The following BLTP3B variants were observed in gnomAD, a reference collection of about 807,000 sequenced individuals.
The protein encoded by BLTP3B is UHRF1 (ICBP90) binding protein 1-like.
chr12:100,118,467 C>T, the BLTP3B span, among the ~76,000 whole-genome samples: 43 of 152,018 alleles, frequency 2.8e-4, 1 homozygote, highest in South Asian at 7.5e-3. Flanking sequence ...ATGGGCACAA[C>T]CAAGAGGAGC....
chr12:100,052,482 T>C, the BLTP3B span, among the ~76,000 whole-genome samples: 1 of 152,066 alleles, frequency 6.6e-6, no homozygotes, highest in African/African-American at 2.4e-5. Context: ...CCACTCTAAT[T>C]AAAATTAAAA....
At chr12:100,140,711 AAAAAAAAAAAAAAAAAAAAT>A in the BLTP3B span, among the ~76,000 whole-genome samples, 2 of 107,782 alleles carry the variant, frequency 1.9e-5, 1 homozygote, top group South Asian at 5.3e-4. Context: ...TCTCAAAAAA[AAAAAAAAAAAAAAAAAAAAT>A]ATATATATAT....
the BLTP3B span, chr12:100,095,582 T>C: frequency 1.3e-6 from 2 of 1,491,258 alleles, no homozygotes; most frequent in Non-Finnish European, 1.8e-6. Context: ...AATCTGTCTC[T>C]TAAAGAAAAT....
chr12:100,079,454 A>C, the BLTP3B span, among the ~76,000 whole-genome samples: 2 of 152,294 alleles, frequency 1.3e-5, no homozygotes, highest in African/African-American at 4.8e-5. Flanking sequence ...CCTGCCCTAG[A>C]GATCTGTGGA....
the BLTP3B span, among the ~76,000 whole-genome samples, chr12:100,138,847 A>G: frequency 2.0e-5 from 3 of 147,538 alleles, no homozygotes; most frequent in Non-Finnish European, 3.0e-5. Flanking sequence ...AGGTGTGTAC[A>G]TGTGTATACA....
chr12:100,131,215 G>A, the BLTP3B span, among the ~76,000 whole-genome samples: 3 of 151,810 alleles, frequency 2.0e-5, no homozygotes, highest in South Asian at 6.2e-4. Flanking sequence ...GGAGGCTGAA[G>A]TGGGAGGATT....
At chr12:100,084,389 C>G in the BLTP3B span, 1 of 541,224 alleles carries the variant, frequency 1.8e-6, no homozygotes, top group Non-Finnish European at 2.7e-6. Context: ...CACACACACA[C>G]ACACACACAC....
the BLTP3B span, chr12:100,086,289 G>T: frequency 1.4e-6 from 2 of 1,461,160 alleles, no homozygotes; most frequent in African/African-American, 1.5e-5. Context: ...TTTATGATAA[G>T]GATAATAATC....
chr12:100,040,100 T>A, the BLTP3B span, among the ~76,000 whole-genome samples: 1 of 152,196 alleles, frequency 6.6e-6, no homozygotes, highest in Non-Finnish European at 1.5e-5. Flanking sequence ...TATTATTAGA[T>A]TAACTAATAA....
the BLTP3B span, among the ~76,000 whole-genome samples, chr12:100,121,818 A>G: frequency 6.6e-6 from 1 of 152,194 alleles, no homozygotes; most frequent in African/African-American, 2.4e-5. Context: ...AACAAGAGCG[A>G]AAGTCCGTCT....
chr12:100,104,044 G>T, the BLTP3B span: 1 of 815,434 alleles, frequency 1.2e-6, no homozygotes, highest in Non-Finnish European at 1.9e-6. Flanking sequence ...ATATAGGACA[G>T]ACACACCAAA....
the BLTP3B span, among the ~76,000 whole-genome samples, chr12:100,091,573 G>A: frequency 6.6e-6 from 1 of 151,600 alleles, no homozygotes; most frequent in South Asian, 2.1e-4. Context: ...CATGATCTCG[G>A]CTCACTGCAA....
chr12:100,051,274 C>A, the BLTP3B span: 2 of 1,531,850 alleles, frequency 1.3e-6, no homozygotes, highest in African/African-American at 1.4e-5. Flanking sequence ...TACACATGAT[C>A]TAACACTGTA....
the BLTP3B span, among the ~76,000 whole-genome samples, chr12:100,082,769 G>T: frequency 6.6e-6 from 1 of 152,082 alleles, no homozygotes; most frequent in African/African-American, 2.4e-5. Flanking sequence ...TTTGTAATGA[G>T]AACATGCTGT....
the BLTP3B span, among the ~76,000 whole-genome samples, chr12:100,141,505 T>C: frequency 1.3e-5 from 2 of 152,146 alleles, no homozygotes; most frequent in Middle Eastern, 3.2e-3. Flanking sequence ...CTATATCTTA[T>C]TCAGTATTAT....
the BLTP3B span, chr12:100,069,844 CAATAACCTATGGA>C: frequency 3.2e-6 from 2 of 625,372 alleles, no homozygotes; most frequent in African/African-American, 4.0e-5. Flanking sequence ...ACCTTTTCCC[CAATAACCTATGGA>C]AATAAAAAAT....
the BLTP3B span, among the ~76,000 whole-genome samples, chr12:100,100,627 G>A: frequency 7.2e-5 from 11 of 151,964 alleles, no homozygotes; most frequent in African/African-American, 2.2e-4. Context: ...TGGGAGGATC[G>A]ATTGAGCCTG....
chr12:100,117,022 CA>C, the BLTP3B span, among the ~76,000 whole-genome samples: 1 of 152,038 alleles, frequency 6.6e-6, no homozygotes, highest in Admixed American at 6.6e-5. Context: ...GATAATAACA[CA>C]AACTATAAAA....
chr12:100,061,724 T>C, the BLTP3B span, among the ~76,000 whole-genome samples: 2 of 151,494 alleles, frequency 1.3e-5, no homozygotes, highest in Non-Finnish European at 2.9e-5. Context: ...ATAAAACAGA[T>C]TAGTATGTAG....
Sources: gnomAD v4.1 joint callset for allele counts (sites outside exome capture counted in the v4.1 genomes callset) on GRCh38, gnomAD v4.1.1 for gene constraint, MANE v1.5 for transcripts, NCBI Gene and HGNC (gene_info 2026-07-23, HGNC 2026-07-21) for gene names.